KMT2A: variants seen among roughly 807,000 people sequenced by gnomAD.
KMT2A encodes the protein histone-lysine N-methyltransferase 2A.
KMT2A carries 16 observed loss-of-function variants against 345.3 expected under a neutral mutation model. That is an observed-to-expected ratio of 0.05 (90% confidence interval 0.03 to 0.07). The LOEUF is 0.07. Among genes scored for constraint, KMT2A ranks in the 10% least tolerant of loss-of-function variants. The pLI is 1.00. For missense variants in KMT2A, 3,272 were observed against 4,841.6 expected, an observed-to-expected ratio of 0.68 and a Z score of 9.62; for synonymous variants, 1,599 against 1,778.6, an observed-to-expected ratio of 0.90 and a Z score of 2.54.
chr11:118,509,972 A>T lies in KMT2A; in HGVS notation c.10925A>T (p.Glu3642Val). Reference protein sequence around the residue: ...SAEPKTVEEEESNFSSPLMLW... With the variant: ...SAEPKTVEEEVSNFSSPLMLW... ...GAACCTAAAACAGTGGAAGAAGAGGAAAGTAATTTCAGCTCCCCACTGATG... is the reference window on the plus strand; with the variant it reads ...GAACCTAAAACAGTGGAAGAAGAGGTAAGTAATTTCAGCTCCCCACTGATG... Residue 3642 changes from glutamate to valine, a missense_variant, in exon 30 of 36, where the codon GAA (glutamate) becomes GTA (valine). Glu to Val is a moderately radical substitution (Grantham distance 121). Transcript: ENST00000534358. 1.2e-6 allele frequency: 2 copies of T among 1,610,972 alleles called. No individual in the cohort carries two copies. The highest frequency in any genetic ancestry group is 1.7e-6 in the Non-Finnish European group (2 of 1,178,490).
At chr11:118,509,076 G>GT (rs1555049352) in intron 28 of KMT2A, 60 bp from the exon 29 acceptor site, 11 of 1,491,024 alleles carry the variant, frequency 7.4e-6, no homozygotes, top group East Asian at 2.3e-5. Context: ...AAAATTCTGG[G>GT]TTTTTTCTTT....
Position 118,506,648 on chromosome 11 carries a change from TGA to T in KMT2A, c.10754+7_10754+8del. Reference sequence around the variant, plus strand: ...GACATCCCTGACCTCAGGCACAGGGTGAGAGATCCAAATACTAGCTAGGCTGG... The same window carrying T: ...GACATCCCTGACCTCAGGCACAGGGTGAGATCCAAATACTAGCTAGGCTGG... On this transcript the variant is annotated splice_donor_region_variant and intron_variant, in intron 27 of 35. Transcript: ENST00000534358. 1 of 1,582,742 alleles carries T rather than the reference TGA, an allele frequency of 6.3e-7. No individual in the cohort carries two copies. Among genetic ancestry groups the T allele is most frequent in the Non-Finnish European group, 8.6e-7 (1 of 1,163,572 alleles).
Position 118,491,044 on chromosome 11 carries a change from C to A in KMT2A, c.4697-152C>A. The A allele has an allele frequency of 1.6e-6, 1 of 612,940 alleles. No individual in the cohort carries two copies. Among genetic ancestry groups the A allele is most frequent in the Non-Finnish European group, 2.6e-6 (1 of 381,914 alleles). The allele number at this position is 612,940 out of a possible 1,614,324, so 38.0% of individuals were successfully genotyped here. A position where few individuals can be genotyped will look rare whatever the true frequency, so the allele number is the denominator to read the frequency against. ...GGGGCTCAGAATAATCTTGAGACTG[C>A]AGATGTGTGAACATTCCACAGTAGA... is the stretch of plus-strand genomic sequence containing the variant. On this transcript the variant is annotated intron_variant, in intron 13 of 35. Transcript: ENST00000534358. The surrounding 1 kb of genome is among the most constrained non-coding windows in gnomAD (Gnocchi z 4.2).
At chr11:118,479,606 T>C (rs1286630143) in intron 5 of KMT2A, among the ~76,000 whole-genome samples, 1 of 152,172 alleles carries the variant, frequency 6.6e-6, no homozygotes, top group Admixed American at 6.6e-5. Context: ...GTAAACTAAT[T>C]CACAGATCAC....
At chr11:118,518,949 G>A (rs2135277144) in intron 31 of KMT2A, among the ~76,000 whole-genome samples, 1 of 145,208 alleles carries the variant, frequency 6.9e-6, no homozygotes. Context: ...CGTGGTGGCG[G>A]CGCCCGTAGT....
In KMT2A at chr11:118,521,267, T is replaced by G; in HGVS notation, c.11514-21T>G. On this transcript the variant is annotated intron_variant, in intron 34 of 35. Transcript: ENST00000534358. The surrounding 1 kb of genome is among the most constrained non-coding windows in gnomAD (Gnocchi z 5.3). ...TTACTTGCAAAATTTGTGTCTGACC[T>G]CTTTTCCATCTTTGTCCTAGGTCTC... The G allele has an allele frequency of 1.9e-6, 3 of 1,611,888 alleles. No individual in the cohort carries two copies. The highest frequency in any genetic ancestry group is 1.7e-6 in the Non-Finnish European group (2 of 1,178,344).
chr11:118,472,581 A>G lies in KMT2A; in HGVS notation c.1422A>G (p.Ser474=). 4.3e-6 allele frequency: 7 copies of G among 1,611,990 alleles called. No individual in the cohort carries two copies. The highest frequency in any genetic ancestry group is 5.9e-6 in the Non-Finnish European group (7 of 1,179,656). Residue 474 remains serine, a synonymous_variant, in exon 3 of 36, where the codon TCA becomes TCG. Transcript: ENST00000534358. ...CTCAGCACTCCTCTCAAATGTCTTC[A>G]GACTCCTCTCGATCTAGTAGCCCCA... ...AASQHSSQMS[S]DSSRSSSPSV...
intron 29 of KMT2A, 64 bp from the exon 30 acceptor site, chr11:118,509,884 T>C: frequency 8.2e-7 from 1 of 1,212,778 alleles, no homozygotes; most frequent in Non-Finnish European, 1.2e-6. Context: ...TAAAGTACTC[T>C]ACATGTAGTC....
At chr11:118,469,199 T>G (rs1949903069) in intron 2 of KMT2A, among the ~76,000 whole-genome samples, 1 of 147,488 alleles carries the variant, frequency 6.8e-6, no homozygotes, top group Non-Finnish European at 1.5e-5. Context: ...TTGGGTTTAT[T>G]CTTTCTCTCT....
Position 118,522,285 on chromosome 11 carries a change from G to A in KMT2A, c.*113G>A. ...CCGGATTGCGTGGCACAGCTGAGGG[G>A]CCTCTGTGATGGCTGAGCTCTCTTA... is the stretch of plus-strand genomic sequence containing the variant. On this transcript the variant is annotated 3_prime_UTR_variant, in exon 36 of 36. Coordinates refer to ENST00000534358, the MANE Select transcript of KMT2A (RefSeq NM_001197104.2). The surrounding 1 kb of genome is among the most constrained non-coding windows in gnomAD (Gnocchi z 5.4). 2.8e-6 allele frequency: 3 copies of A among 1,080,028 alleles called. No individual in the cohort carries two copies. The highest frequency in any genetic ancestry group is 4.4e-5 in the Admixed American group (2 of 45,020). The allele number at this position is 1,080,028 out of a possible 1,614,324, so 66.9% of individuals were successfully genotyped here. A position where few individuals can be genotyped will look rare whatever the true frequency, so the allele number is the denominator to read the frequency against.
intron 28 of KMT2A, 52 bp from the exon 29 acceptor site, chr11:118,509,084 T>C (rs1224157967): frequency 2.6e-6 from 4 of 1,536,122 alleles, no homozygotes; most frequent in Non-Finnish European, 3.6e-6. Flanking sequence ...GGGTTTTTTC[T>C]TTGAATTGAA....
intron 29 of KMT2A, 49 bp downstream of exon 29, chr11:118,509,249 GGATTA>G: frequency 7.0e-7 from 1 of 1,423,502 alleles, no homozygotes; most frequent in Non-Finnish European, 9.8e-7. Context: ...AATGCTAAAA[GGATTA>G]TGAGAATCAC....
At chr11:118,512,690 T>C (rs1348866378) in intron 31 of KMT2A, among the ~76,000 whole-genome samples, 1 of 152,202 alleles carries the variant, frequency 6.6e-6, no homozygotes. Context: ...CTCTTTAACT[T>C]TTTGAAGTAC....
chr11:118,477,899 G>A, intron 4 of KMT2A, 68 bp from the exon 5 acceptor site: 1 of 975,832 alleles, frequency 1.0e-6, no homozygotes, highest in Non-Finnish European at 1.6e-6. Context: ...TTTCATTTTT[G>A]GAGTACCAAT....
Position 118,522,988 on chromosome 11 carries a change from G to A in KMT2A, c.*816G>A. The A allele has an allele frequency of 4.5e-6, 1 of 223,392 alleles. No individual in the cohort carries two copies. The highest frequency in any genetic ancestry group is 2.2e-5 in the African/African-American group (1 of 44,786). 13.8% of individuals were successfully genotyped at this position (223,392 alleles called of 1,614,324 possible). A position where few individuals can be genotyped will look rare whatever the true frequency, so the allele number is the denominator to read the frequency against. ...GCCTGCTCAAGGACACTCCCTGCTG[G>A]GCATAGGATGTGCCTGCAAAAAGTT... On this transcript the variant is annotated 3_prime_UTR_variant, in exon 36 of 36. Coordinates refer to ENST00000534358, the MANE Select transcript of KMT2A (RefSeq NM_001197104.2). The surrounding 1 kb of genome is among the most constrained non-coding windows in gnomAD (Gnocchi z 5.4).
intron 1 of KMT2A, among the ~76,000 whole-genome samples, chr11:118,443,065 T>C (rs974676468): frequency 6.6e-6 from 1 of 152,178 alleles, no homozygotes; most frequent in African/African-American, 2.4e-5. Flanking sequence ...ATGGCATGCA[T>C]TAAATAAAGC....
intron 1 of KMT2A, among the ~76,000 whole-genome samples, chr11:118,439,278 A>C (rs1591336627): frequency 6.6e-6 from 1 of 152,208 alleles, no homozygotes; most frequent in East Asian, 1.9e-4. Context: ...TGAGTTTAAT[A>C]AGAAAGTCTC....
At chr11:118,492,197 A>G (rs1455278707) in intron 15 of KMT2A, among the ~76,000 whole-genome samples, 1 of 152,216 alleles carries the variant, frequency 6.6e-6, no homozygotes, top group African/African-American at 2.4e-5. Flanking sequence ...ACTTCACCCA[A>G]GACAGTAACC....
In KMT2A at chr11:118,481,849, A is replaced by G. The variant is rs781860369; in HGVS notation, c.3769A>G (p.Ser1257Gly). 1 of 1,614,222 alleles carries G rather than the reference A, an allele frequency of 6.2e-7. No homozygotes were observed. The highest frequency in any genetic ancestry group is 8.5e-7 in the Non-Finnish European group (1 of 1,180,046). The change falls in exon 7 of 36, where the codon AGC becomes GGC. Residue 1257 changes from serine (S) to glycine (G), a missense_variant. Physicochemically the swap from Ser to Gly is moderately conservative, Grantham distance 56. Transcript: ENST00000534358. Reference protein sequence around the residue: ...SAREDPAPKKSSSEPPPRKPV... With the variant: ...SAREDPAPKKGSSEPPPRKPV... ...AAGAGAGGATCCTGCCCCAAAGAAA[A>G]GCAGTAGTGAGCCTCCTCCACGAAA...
Sources: gnomAD v4.1 joint callset for allele counts (sites outside exome capture counted in the v4.1 genomes callset) on GRCh38, gnomAD v4.1.1 for gene constraint, Gnocchi (gnomAD v3.1) non-coding constraint, MANE v1.5 for transcripts, NCBI Gene and HGNC (gene_info 2026-07-23, HGNC 2026-07-21) for gene names.